ADARB2: variants seen among roughly 807,000 people sequenced by gnomAD.
ADARB2 encodes the protein inactive double-stranded RNA-specific editase B2.
Under a neutral mutation model 62.2 loss-of-function variants are expected in ADARB2, and 25 were observed. The ratio of observed to expected loss-of-function variants is 0.40; its 90% confidence interval spans 0.29 to 0.56. The LOEUF is 0.56. ADARB2 is among the 20% of genes least tolerant of loss of function. The pLI, the probability that ADARB2 is intolerant of heterozygous loss-of-function variation, is 0.43. For synonymous variants in ADARB2, 572 were observed against 500.8 expected, an observed-to-expected ratio of 1.14 and a Z score of -1.90; for missense variants, 1,071 against 1,077.4, an observed-to-expected ratio of 0.99 and a Z score of 0.08.
At chr10:1,505,854 G>A (rs902200100) in intron 1 of ADARB2, among the ~76,000 whole-genome samples, 1 of 152,182 alleles carries the variant, frequency 6.6e-6, no homozygotes, top group Non-Finnish European at 1.5e-5. Flanking sequence ...AAGCTCCATC[G>A]TGTTCTATTT....
At chr10:1,438,293 CATCATGGGGCTCCTGA>C (rs1830857538) in intron 1 of ADARB2, among the ~76,000 whole-genome samples, 1 of 148,160 alleles carries the variant, frequency 6.7e-6, no homozygotes, top group Non-Finnish European at 1.5e-5. Flanking sequence ...GCAGGTCCTT[CATCATGGGGCTCCTGA>C]GTCTCCTTAG....
rs539680191 is a variant in ADARB2 at position 1,537,973 on chromosome 10, G to A, written c.101-158813C>T. The stretch of plus-strand genomic sequence containing the variant: ...CTGCACATGTATCCTGGAACTTAGA[G>A]TAAAAAAGAAAAAGAATTGCTTTTT... On this transcript the variant is annotated intron_variant, in intron 1 of 9. Coordinates refer to ENST00000381312, the MANE Select transcript of ADARB2 (RefSeq NM_018702.4). 2.4e-4 allele frequency among the ~76,000 whole-genome samples: 36 copies of A among 152,286 alleles called. No individual in the cohort carries two copies. In the East Asian group the frequency reaches 3.3e-3, roughly 14 times the overall value.
At chr10:1,513,887 A>G (rs1831970897) in intron 1 of ADARB2, among the ~76,000 whole-genome samples, 2 of 151,976 alleles carry the variant, frequency 1.3e-5, no homozygotes, top group Admixed American at 6.6e-5. Context: ...TTCTATCTAA[A>G]ACACTTAAAT....
chr10:1,615,174 G>C (rs1254318667), intron 1 of ADARB2, among the ~76,000 whole-genome samples: 1 of 152,194 alleles, frequency 6.6e-6, no homozygotes, highest in Non-Finnish European at 1.5e-5. Context: ...GGGTATGAAG[G>C]AAAGTTCTAG....
intron 1 of ADARB2, among the ~76,000 whole-genome samples, chr10:1,532,323 C>G (rs551775891): frequency 1.3e-5 from 2 of 152,196 alleles, no homozygotes; most frequent in Non-Finnish European, 2.9e-5. Flanking sequence ...AAAACCAGCA[C>G]CAAAAACAGC....
chr10:1,371,637 A>G (rs1422741467), intron 2 of ADARB2, among the ~76,000 whole-genome samples: 3 of 152,300 alleles, frequency 2.0e-5, no homozygotes, highest in African/African-American at 7.2e-5. Context: ...AAAATTGGGC[A>G]AAGGGCATGA....
At chr10:1,331,152 A>T (rs1831924497) in intron 3 of ADARB2, among the ~76,000 whole-genome samples, 1 of 152,242 alleles carries the variant, frequency 6.6e-6, no homozygotes, top group Admixed American at 6.5e-5. Context: ...GAGAAATTGG[A>T]ACCCTCATAC....
In ADARB2 at chr10:1,182,042, A is replaced by G. The variant is rs995000296; in HGVS notation, c.*1151T>C. 1.3e-5 allele frequency: 2 copies of G among 152,164 alleles called. No homozygotes were observed. Among genetic ancestry groups the G allele is most frequent in the Admixed American group, 1.3e-4 (2 of 15,278 alleles). 9.4% of individuals were successfully genotyped at this position (152,164 alleles called of 1,614,324 possible). A position where few individuals can be genotyped will look rare whatever the true frequency, so the allele number is the denominator to read the frequency against. On this transcript the variant is annotated 3_prime_UTR_variant, in exon 10 of 10. Transcript: ENST00000381312. ...AGGGTCACAGAATCCTGCCTCTTAC[A>G]TTTTTTGACAGCTGAACTTTTTTGG...
At position 1,364,043 on chromosome 10, in the gene ADARB2, G is replaced by C. The variant is rs1588233221; in HGVS notation, c.188-126C>G. 13 of 1,292,252 alleles carry C rather than the reference G, an allele frequency of 1.0e-5. No individual in the cohort carries two copies. In the East Asian group the frequency reaches 3.8e-4, roughly 38 times the overall value. The allele number at this position is 1,292,252 out of a possible 1,614,324, so 80.0% of individuals were successfully genotyped here. On this transcript the variant is annotated intron_variant, in intron 2 of 9. Coordinates refer to ENST00000381312, the MANE Select transcript of ADARB2 (RefSeq NM_018702.4). ...GCCCGCGCCCCCAGGTCAGGCCTGA[G>C]AAATGACTGTGGCCGCCAGAGAGAG...
intron 3 of ADARB2, among the ~76,000 whole-genome samples, chr10:1,301,601 C>A (rs989609325): frequency 6.6e-6 from 1 of 151,848 alleles, no homozygotes; most frequent in Non-Finnish European, 1.5e-5. Flanking sequence ...TCCTTCCCTC[C>A]CTCTTCAGGG....
rs564754252 is a variant in ADARB2, at chr10:1,557,675, G to A, written c.101-178515C>T. On this transcript the variant is annotated intron_variant, in intron 1 of 9. Coordinates refer to ENST00000381312, the MANE Select transcript of ADARB2 (RefSeq NM_018702.4). ...TCCCAGCACTTTGGGAGACCCAGGC[G>A]GGTGGATCACCTGAGGCCAGGTGTT... 4.6e-5 allele frequency among the ~76,000 whole-genome samples: 7 copies of A among 152,200 alleles called. No individual in the cohort carries two copies. The South Asian group carries it at 1.5e-3, about 32-fold the overall frequency.
rs1195945447 is a variant in ADARB2 at position 1,327,232 on chromosome 10, C to T, written c.1077+35796G>A. On this transcript the variant is annotated intron_variant, in intron 3 of 9. Coordinates refer to ENST00000381312, the MANE Select transcript of ADARB2 (RefSeq NM_018702.4). ...CTCCTCACAGTTCAGCGCCTCCCCACGGCACAGCACCTCCTCACTGCCCAG... is the reference window on the plus strand; with the variant it reads ...CTCCTCACAGTTCAGCGCCTCCCCATGGCACAGCACCTCCTCACTGCCCAG... Among the ~76,000 whole-genome samples the T allele has an allele frequency of 2.4e-4, 26 of 109,438 alleles. 1 individual carries two copies. Among genetic ancestry groups the T allele is most frequent in the East Asian group, 5.2e-4 (2 of 3,880 alleles). The allele number at this position is 109,438 out of a possible 152,430, so 71.8% of individuals were successfully genotyped here. A position where few individuals can be genotyped will look rare whatever the true frequency, so the allele number is the denominator to read the frequency against.
At chr10:1,729,855 G>A (rs1006158189) in intron 1 of ADARB2, among the ~76,000 whole-genome samples, 10 of 152,212 alleles carry the variant, frequency 6.6e-5, no homozygotes, top group South Asian at 2.1e-4. Context: ...TTGAGAAGAC[G>A]TATTTGAGAA....
At chr10:1,381,535 G>T (rs997627674) in intron 1 of ADARB2, among the ~76,000 whole-genome samples, 1 of 152,222 alleles carries the variant, frequency 6.6e-6, no homozygotes, top group Non-Finnish European at 1.5e-5. Flanking sequence ...GGAGAGATCT[G>T]CATCCTCATA....
intron 1 of ADARB2, among the ~76,000 whole-genome samples, chr10:1,492,659 T>C (rs1831637512): frequency 6.6e-6 from 1 of 152,040 alleles, no homozygotes; most frequent in South Asian, 2.1e-4. Context: ...GTGCAGCATT[T>C]CACCTGGGAC....
At chr10:1,507,037 C>T (rs1295938907) in intron 1 of ADARB2, among the ~76,000 whole-genome samples, 6 of 152,232 alleles carry the variant, frequency 3.9e-5, no homozygotes, top group African/African-American at 7.2e-5. Context: ...CAGGGACCAA[C>T]GTCCACTGCC....
chr10:1,228,847 C>G (rs1830772012), intron 6 of ADARB2, among the ~76,000 whole-genome samples: 1 of 152,252 alleles, frequency 6.6e-6, no homozygotes, highest in Non-Finnish European at 1.5e-5. Context: ...CCGTCCATGC[C>G]TCCAAGCCCT....
At chr10:1,651,710 C>T (rs193252302) in intron 1 of ADARB2, among the ~76,000 whole-genome samples, 5 of 152,058 alleles carry the variant, frequency 3.3e-5, no homozygotes, top group East Asian at 1.9e-4. Context: ...GACAGCGAAG[C>T]GGGGCCTTAC....
rs528566717 is a variant in ADARB2 at position 1,203,378 on chromosome 10, A to C, written c.1683-3231T>G. On this transcript the variant is annotated intron_variant, in intron 7 of 9. Transcript: ENST00000381312. ...TGACGACACCTCAGGCTGTCCCTGCAGGTGCGCCGGCATCAGGCAGGGAAC... is the reference window on the plus strand; with the variant it reads ...TGACGACACCTCAGGCTGTCCCTGCCGGTGCGCCGGCATCAGGCAGGGAAC... Among the ~76,000 whole-genome samples the C allele has an allele frequency of 4.6e-5, 7 of 152,200 alleles. No individual in the cohort carries two copies. The South Asian group carries it at 1.5e-3, about 32-fold the overall frequency.
Sources: gnomAD v4.1 joint callset for allele counts (sites outside exome capture counted in the v4.1 genomes callset) on GRCh38, gnomAD v4.1.1 for gene constraint, MANE v1.5 for transcripts, NCBI Gene and HGNC (gene_info 2026-07-23, HGNC 2026-07-21) for gene names.